Variants in FOXP1 observed in about 807,000 individuals in gnomAD.
The protein encoded by FOXP1 is forkhead box protein P1.
Under a neutral mutation model 98.2 loss-of-function variants are expected in FOXP1, and 15 were observed. The ratio of observed to expected loss-of-function variants is 0.15; its 90% CI spans 0.10 to 0.24. FOXP1 has a LOEUF of 0.24. FOXP1 is among the 10% of genes least tolerant of loss of function. FOXP1 has a pLI of 1.00. For missense variants in FOXP1, 633 were observed against 848.5 expected (o/e 0.75, Z 3.15); for synonymous variants, 371 against 314.5 (o/e 1.18, Z -1.90).
intron 3 of FOXP1, among the ~76,000 whole-genome samples, chr3:71,485,837 G>C (rs2090608382): frequency 6.6e-6 from 1 of 151,846 alleles, no homozygotes; most frequent in South Asian, 2.1e-4. Context: ...ACTCTGGGGA[G>C]ATTTTTTTCA....
chr3:71,441,782 G>A (rs919332476), intron 3 of FOXP1, among the ~76,000 whole-genome samples: 6 of 152,190 alleles, frequency 3.9e-5, no homozygotes, highest in African/African-American at 1.4e-4. Context: ...GAGAACACTG[G>A]CACTGGGAAC....
intron 20 of FOXP1, 37 bp from the exon 21 acceptor site, chr3:70,959,428 C>G (rs1393169906): frequency 3.7e-6 from 6 of 1,613,326 alleles, no homozygotes; most frequent in African/African-American, 1.3e-5. Flanking sequence ...GAGGGTACTT[C>G]CCAGCCCATT....
chr3:71,207,371 C>T (rs1319911911), intron 5 of FOXP1, among the ~76,000 whole-genome samples: 1 of 152,098 alleles, frequency 6.6e-6, no homozygotes, highest in Non-Finnish European at 1.5e-5. Context: ...GGCTCAAGCC[C>T]CTCACCGCTC....
intron 2 of FOXP1, among the ~76,000 whole-genome samples, chr3:71,510,275 G>A (rs2042110806): frequency 1.3e-5 from 2 of 150,600 alleles, no homozygotes; most frequent in African/African-American, 4.9e-5. Context: ...TATCACTTGA[G>A]GACCAGCCTG....
intron 5 of FOXP1, among the ~76,000 whole-genome samples, chr3:71,205,605 G>C (rs2063977981): frequency 3.3e-5 from 5 of 152,190 alleles, no homozygotes; most frequent in Admixed American, 3.3e-4. Flanking sequence ...GTGAGTAGAG[G>C]CTAAGAACCC....
intron 7 of FOXP1, among the ~76,000 whole-genome samples, chr3:71,109,518 C>T (rs938619221): frequency 6.6e-6 from 1 of 151,676 alleles, no homozygotes; most frequent in Non-Finnish European, 1.5e-5. Flanking sequence ...TTGCTAAAAT[C>T]GGTCTCTCAG....
At chr3:71,349,643 A>T (rs1430154534) in intron 4 of FOXP1, among the ~76,000 whole-genome samples, 9 of 54,782 alleles carry the variant, frequency 1.6e-4, no homozygotes, top group African/African-American at 3.1e-4. Context: ...TGCAAAAATA[A>T]AAAAAAAAAT....
chr3:71,444,091 C>T (rs1184489496), intron 3 of FOXP1, among the ~76,000 whole-genome samples: 3 of 152,214 alleles, frequency 2.0e-5, no homozygotes, highest in Admixed American at 6.5e-5. Flanking sequence ...CTCTCTCAAA[C>T]GCCTAGTACA....
rs576334264 is a variant in FOXP1 at position 71,569,930 on chromosome 3, C to T, written c.-298+11619G>A. ...CCCGAGTAGCTGGGACTACAGGCGC[C>T]AGCCACCACGCCCGGCTAATTTTTT... On this transcript the variant is annotated intron_variant, in intron 2 of 20. Transcript: ENST00000649528. Among the ~76,000 whole-genome samples, 88 of 152,200 alleles carry T rather than the reference C, an allele frequency of 5.8e-4. 2 individuals carry two copies. The South Asian group carries it at 0.017, about 30-fold the overall frequency.
chr3:70,959,556 A>ATT (rs1307509022), intron 20 of FOXP1, among the ~76,000 whole-genome samples, 165 bp from the exon 21 acceptor site: 1 of 152,126 alleles, frequency 6.6e-6, no homozygotes, highest in Non-Finnish European at 1.5e-5. Flanking sequence ...AATGAACGAA[A>ATT]TCTTACTACA....
At chr3:71,303,842 A>C (rs2074054164) in intron 4 of FOXP1, among the ~76,000 whole-genome samples, 1 of 152,138 alleles carries the variant, frequency 6.6e-6, no homozygotes, top group East Asian at 1.9e-4. Flanking sequence ...AGAGGGGAAA[A>C]AGAAAGGAAA....
chr3:71,142,941 G>C (rs556873915), intron 6 of FOXP1, among the ~76,000 whole-genome samples: 3 of 152,102 alleles, frequency 2.0e-5, no homozygotes, highest in East Asian at 1.9e-4. Flanking sequence ...GGTGGGAAGA[G>C]AGATAAGGGG....
chr3:70,963,970 T>A (rs565223041), intron 20 of FOXP1, among the ~76,000 whole-genome samples: 1 of 152,172 alleles, frequency 6.6e-6, no homozygotes, highest in South Asian at 2.1e-4. Context: ...TTTATTCCAA[T>A]AGACTGGAAC....
At position 71,581,704 on chromosome 3, in the gene FOXP1, T is replaced by C; in HGVS notation, c.-446-7A>G. On this transcript the variant is annotated splice_region_variant and splice_polypyrimidine_tract_variant and intron_variant, in intron 1 of 20. Coordinates refer to ENST00000649528, the MANE Select transcript of FOXP1 (RefSeq NM_001349338.3). ...TCTTACAAACTTTCGGGTTCTGCAG[T>C]CGACAAGAAACCGGGGCGACCCTCA... The C allele has an allele frequency of 2.0e-6, 2 of 985,772 alleles. No homozygotes were observed. The highest frequency in any genetic ancestry group is 1.2e-6 in the Non-Finnish European group (1 of 830,150). 61.1% of individuals were successfully genotyped at this position (985,772 alleles called of 1,614,324 possible).
chr3:71,118,670 C>A (rs1164381919), intron 6 of FOXP1, among the ~76,000 whole-genome samples: 2 of 152,072 alleles, frequency 1.3e-5, no homozygotes, highest in Non-Finnish European at 2.9e-5. Flanking sequence ...CAAATTCGGT[C>A]TATCACCTGT....
intron 2 of FOXP1, chr3:71,572,744 C>T (rs1360943945): frequency 1.3e-5 from 2 of 152,192 alleles, no homozygotes; most frequent in Non-Finnish European, 2.9e-5. Context: ...GGAGCCTCTC[C>T]TACCTGAACC....
intron 3 of FOXP1, among the ~76,000 whole-genome samples, chr3:71,437,050 A>G (rs1220141302): frequency 1.3e-5 from 2 of 152,198 alleles, no homozygotes; most frequent in Non-Finnish European, 2.9e-5. Flanking sequence ...CCATTCTGAA[A>G]AACAGAAAGC....
chr3:71,482,604 T>C (rs961666253), intron 3 of FOXP1, among the ~76,000 whole-genome samples: 1 of 152,146 alleles, frequency 6.6e-6, no homozygotes, highest in South Asian at 2.1e-4. Flanking sequence ...TTCACCATGT[T>C]GACCAGGCTG....
At chr3:71,517,267 A>C (rs1207733955) in intron 2 of FOXP1, among the ~76,000 whole-genome samples, 1 of 152,230 alleles carries the variant, frequency 6.6e-6, no homozygotes, top group East Asian at 1.9e-4. Flanking sequence ...AAGTCCATAC[A>C]GATTCACAGC....
Sources: allele counts gnomAD v4.1 joint callset (sites outside exome capture counted in the v4.1 genomes callset), GRCh38; gene constraint gnomAD v4.1.1; transcripts MANE v1.5; gene names NCBI Gene and HGNC (gene_info 2026-07-23, HGNC 2026-07-21).